Variants in PCDH15 observed in about 807,000 individuals in gnomAD.
PCDH15 encodes the protein protocadherin-15.
In PCDH15, 129 loss-of-function variants were observed where a neutral mutation model predicts 178.5. The observed-to-expected ratio is 0.72, with a 90% CI of 0.63 to 0.84. The LOEUF (loss-of-function observed/expected upper bound fraction) is 0.84, where lower values mean the gene tolerates loss of function less well. Among genes scored for constraint, PCDH15 ranks in the 40% least tolerant of loss-of-function variants. PCDH15 has a pLI of 0.00. For synonymous variants in PCDH15, 800 were observed against 732.0 expected, an observed-to-expected ratio of 1.09 and a Z score of -1.50; for missense variants, 2,230 against 2,099.9, an observed-to-expected ratio of 1.06 and a Z score of -1.21.
At chr10:53,968,365 G>T (rs890936190) in intron 21 of PCDH15, among the ~76,000 whole-genome samples, 2 of 152,168 alleles carry the variant, frequency 1.3e-5, no homozygotes, top group Non-Finnish European at 2.9e-5. Context: ...AGCTCGAACC[G>T]GGTGGAGCCC....
chr10:54,704,222 T>C (rs1216450728), intron 1 of PCDH15, among the ~76,000 whole-genome samples: 1 of 152,080 alleles, frequency 6.6e-6, no homozygotes, highest in Non-Finnish European at 1.5e-5. Flanking sequence ...CAAAAGCAAT[T>C]GCAACCAAAA....
chr10:54,753,194 T>A (rs1946577826), intron 1 of PCDH15, among the ~76,000 whole-genome samples: 1 of 152,162 alleles, frequency 6.6e-6, no homozygotes, highest in Non-Finnish European at 1.5e-5. Flanking sequence ...CGTGATTTTT[T>A]TTTTTATTTT....
intron 25 of PCDH15, among the ~76,000 whole-genome samples, chr10:53,930,164 T>C (rs890605781): frequency 1.3e-5 from 2 of 151,934 alleles, no homozygotes; most frequent in Non-Finnish European, 2.9e-5. Context: ...GTATTAGAAA[T>C]AGCAACGCAT....
intron 12 of PCDH15, 72 bp downstream of exon 12, chr10:54,185,062 C>CT: frequency 6.4e-7 from 1 of 1,561,738 alleles, no homozygotes; most frequent in Non-Finnish European, 8.8e-7. Context: ...CCAGACATCT[C>CT]TTTCAGTTCC....
intron 1 of PCDH15, among the ~76,000 whole-genome samples, chr10:55,207,350 A>C (rs1192891195): frequency 6.6e-6 from 1 of 152,072 alleles, no homozygotes; most frequent in Non-Finnish European, 1.5e-5. Flanking sequence ...CCTCAAGAGT[A>C]TTCCCTAAAC....
intron 2 of PCDH15, among the ~76,000 whole-genome samples, chr10:55,491,277 C>T (rs1840409577): frequency 6.6e-6 from 1 of 151,742 alleles, no homozygotes. Context: ...ATTTTTCATT[C>T]CACCTCTAGA....
At chr10:53,827,049 T>G (rs1180943476) in intron 32 of PCDH15, among the ~76,000 whole-genome samples, 1 of 151,624 alleles carries the variant, frequency 6.6e-6, no homozygotes. Context: ...AGAATCTATT[T>G]ATATATTTAT....
At chr10:55,209,772 T>C (rs1314667151) in intron 1 of PCDH15, among the ~76,000 whole-genome samples, 1 of 152,078 alleles carries the variant, frequency 6.6e-6, no homozygotes, top group East Asian at 1.9e-4. Context: ...TTTTAGTGTT[T>C]GAGATTAATT....
intron 9 of PCDH15, among the ~76,000 whole-genome samples, chr10:54,224,073 T>C (rs2053178651): frequency 6.6e-6 from 1 of 152,206 alleles, no homozygotes; most frequent in Admixed American, 6.5e-5. Context: ...TGAAAATGTT[T>C]ATCTTTACAT....
intron 3 of PCDH15, among the ~76,000 whole-genome samples, chr10:54,485,227 A>G (rs1228394411): frequency 6.6e-6 from 1 of 151,844 alleles, no homozygotes; most frequent in Non-Finnish European, 1.5e-5. Context: ...ATAAAAAAAA[A>G]TCTCCGACTT....
chr10:53,888,314 ATATGTACG>A (rs1335431224), intron 26 of PCDH15, among the ~76,000 whole-genome samples: 1 of 121,748 alleles, frequency 8.2e-6, no homozygotes, highest in African/African-American at 3.2e-5. Context: ...ATATATGTAT[ATATGTACG>A]TATATATATG....
At chr10:54,626,025 A>G (rs2093537308) in intron 2 of PCDH15, among the ~76,000 whole-genome samples, 1 of 152,178 alleles carries the variant, frequency 6.6e-6, no homozygotes, top group African/African-American at 2.4e-5. Context: ...ATGTTTTAGC[A>G]AAGAGACTGG....
chr10:55,270,081 A>G (rs1842401863), intron 1 of PCDH15, among the ~76,000 whole-genome samples: 3 of 152,338 alleles, frequency 2.0e-5, no homozygotes, highest in Non-Finnish European at 4.4e-5. Flanking sequence ...GGCTAGCCAT[A>G]TGCACAAGAA....
chr10:55,178,976 A>G (rs1839567537), intron 1 of PCDH15, among the ~76,000 whole-genome samples: 2 of 152,148 alleles, frequency 1.3e-5, no homozygotes, highest in African/African-American at 2.4e-5. Context: ...CAGAATGATT[A>G]GTCTATTTTA....
intron 2 of PCDH15, among the ~76,000 whole-genome samples, chr10:55,092,910 C>G (rs1159027755): frequency 6.6e-6 from 1 of 151,908 alleles, no homozygotes; most frequent in Non-Finnish European, 1.5e-5. Flanking sequence ...GCAGATGTTA[C>G]TCATTTTTAA....
In PCDH15 at chr10:55,557,134, T is replaced by C. The variant is rs149867075; in HGVS notation, c.-156+70491A>G. Among the ~76,000 whole-genome samples the C allele has an allele frequency of 1.4e-4, 21 of 152,282 alleles. No homozygotes were observed. In the East Asian group the frequency reaches 4.1e-3, roughly 29 times the overall value. ...CAAACTTATCTATCTTTTAATGTCT[T>C]CTGCTTTTAATCTGCAATATTTAGC... On this transcript the variant is annotated intron_variant, in intron 2 of 5. Transcript: ENST00000613346.
chr10:55,342,899 G>A (rs993052027), intron 2 of PCDH15, among the ~76,000 whole-genome samples: 1 of 152,108 alleles, frequency 6.6e-6, no homozygotes, highest in African/African-American at 2.4e-5. Flanking sequence ...GAGAGTGTAA[G>A]GGCTGTGAGC....
rs577129759 is a variant in PCDH15, at chr10:55,481,953, T to C, written c.-156+145672A>G. Among the ~76,000 whole-genome samples the C allele has an allele frequency of 3.3e-4, 50 of 151,992 alleles. No homozygotes were observed. In the South Asian group the frequency reaches 6.4e-3, roughly 20 times the overall value. On this transcript the variant is annotated intron_variant, in intron 2 of 5. Transcript: ENST00000613346. ...GTGTTAAATTTCCCCACTATAATTG[T>C]GTGGTAGTCTATGTATCTTTGAAGG...
intron 2 of PCDH15, among the ~76,000 whole-genome samples, chr10:54,637,119 A>G (rs961997003): frequency 2.0e-5 from 3 of 148,658 alleles, no homozygotes; most frequent in Non-Finnish European, 4.4e-5. Flanking sequence ...ACTAAGAATC[A>G]ATCTTCAAAA....
Sources: gnomAD v4.1 joint callset for allele counts (sites outside exome capture counted in the v4.1 genomes callset) on GRCh38, gnomAD v4.1.1 for gene constraint, MANE v1.5 for transcripts, NCBI Gene and HGNC (gene_info 2026-07-23, HGNC 2026-07-21) for gene names.